The following ACTR3C variants were observed in gnomAD, a reference collection of about 807,000 sequenced individuals.
ACTR3C encodes the protein actin related protein 3C.
A neutral mutation model predicts 26.3 loss-of-function variants in ACTR3C; 18 were observed. That is an observed-to-expected ratio of 0.68 (90% CI 0.47 to 1.01). The LOEUF is 1.01. Ranked by LOEUF, ACTR3C falls within the 50% of genes least tolerant of loss-of-function variation. The probability of loss-of-function intolerance (pLI) is 0.00; values close to 1 mark genes in which losing one functional copy is unlikely to be tolerated. For synonymous variants in ACTR3C, 55 were observed against 94.5 expected (o/e 0.58, Z 2.42); for missense variants, 184 against 250.7 (o/e 0.73, Z 1.80).
chr7:150,094,025 G>C, the ACTR3C span, among the ~76,000 whole-genome samples: 2 of 150,558 alleles, frequency 1.3e-5, 1 homozygote, highest in Non-Finnish European at 2.9e-5. Context: ...GCAGAGCACA[G>C]ATAGGTAAAA....
the ACTR3C span, among the ~76,000 whole-genome samples, chr7:150,098,553 T>G: frequency 6.6e-6 from 1 of 151,826 alleles, no homozygotes; most frequent in South Asian, 2.1e-4. Flanking sequence ...CCTCTTAAAC[T>G]GCATGCTTTT....
chr7:150,245,904 A>C (rs573838713), downstream of ACTR3C: 50 of 152,358 alleles, frequency 3.3e-4, no homozygotes, highest in African/African-American at 1.2e-3. Flanking sequence ...GGTTCAAGTT[A>C]TTTCAAACTG....
At chr7:149,897,955 A>G in the ACTR3C span, among the ~76,000 whole-genome samples, 2 of 152,346 alleles carry the variant, frequency 1.3e-5, no homozygotes, top group East Asian at 3.9e-4. Flanking sequence ...AAAAAGGTGA[A>G]AAGAAAAAGA....
At chr7:149,976,748 T>C in the ACTR3C span, among the ~76,000 whole-genome samples, 2 of 152,052 alleles carry the variant, frequency 1.3e-5, no homozygotes, top group Non-Finnish European at 2.9e-5. Flanking sequence ...AGTTCAAACT[T>C]GAGAGTGAAA....
the ACTR3C span, among the ~76,000 whole-genome samples, chr7:150,233,022 G>A: frequency 8.2e-4 from 125 of 152,174 alleles, 1 homozygote; most frequent in African/African-American, 2.9e-3. Flanking sequence ...AAGAAAAAAA[G>A]ATTTTCTTTT....
the ACTR3C span, among the ~76,000 whole-genome samples, chr7:150,010,710 A>AT: frequency 1.3e-5 from 2 of 151,564 alleles, no homozygotes; most frequent in Non-Finnish European, 2.9e-5. Flanking sequence ...AAAAAAAAAA[A>AT]AATAAGCTCT....
At chr7:150,158,038 A>G in the ACTR3C span, among the ~76,000 whole-genome samples, 1 of 152,200 alleles carries the variant, frequency 6.6e-6, no homozygotes, top group Non-Finnish European at 1.5e-5. Context: ...AAGGGCCTGA[A>G]TAGACATTTC....
the ACTR3C span, among the ~76,000 whole-genome samples, chr7:150,095,745 TAAC>T: frequency 1.3e-5 from 2 of 150,298 alleles, no homozygotes; most frequent in Non-Finnish European, 2.9e-5. Flanking sequence ...GTAAAACCAT[TAAC>T]AACTATTATA....
At chr7:150,255,748 C>T (rs1216165554) in intron 6 of ACTR3C, among the ~76,000 whole-genome samples, 2 of 152,162 alleles carry the variant, frequency 1.3e-5, no homozygotes, top group Non-Finnish European at 2.9e-5. Flanking sequence ...CAAGACACAG[C>T]TCCGTCCTTT....
chr7:150,081,371 G>C, the ACTR3C span, among the ~76,000 whole-genome samples: 2 of 151,598 alleles, frequency 1.3e-5, no homozygotes, highest in Non-Finnish European at 2.9e-5. Context: ...TGACAGAGGT[G>C]GAAGGGAGTA....
At chr7:150,196,872 C>T in the ACTR3C span, among the ~76,000 whole-genome samples, 47 of 152,268 alleles carry the variant, frequency 3.1e-4, no homozygotes, top group Middle Eastern at 3.4e-3. Flanking sequence ...TCGGCTTCAG[C>T]CAGGGACTAT....
the ACTR3C span, among the ~76,000 whole-genome samples, chr7:150,196,189 TC>T: frequency 3.9e-5 from 6 of 152,250 alleles, no homozygotes; most frequent in Admixed American, 3.9e-4. Flanking sequence ...CAATATTTCT[TC>T]AAACATTTCT....
the ACTR3C span, among the ~76,000 whole-genome samples, chr7:150,170,745 A>T: frequency 1.3e-5 from 2 of 150,606 alleles, no homozygotes. Flanking sequence ...CAGGAGCTGG[A>T]GACAAACACC....
the ACTR3C span, among the ~76,000 whole-genome samples, chr7:150,032,641 T>C: frequency 6.6e-6 from 1 of 151,944 alleles, no homozygotes. Context: ...GGAAAGTAAA[T>C]CTGAGAGTTA....
At chr7:149,926,708 T>C in the ACTR3C span, among the ~76,000 whole-genome samples, 1 of 152,160 alleles carries the variant, frequency 6.6e-6, no homozygotes, top group Non-Finnish European at 1.5e-5. Flanking sequence ...TTTTGCTTTG[T>C]ACATTTTCAC....
At chr7:150,013,904 C>A in the ACTR3C span, among the ~76,000 whole-genome samples, 5 of 152,190 alleles carry the variant, frequency 3.3e-5, no homozygotes, top group Admixed American at 6.5e-5. Flanking sequence ...ACTTCCATGT[C>A]TATAGGCCTC....
At chr7:150,037,973 G>T in the ACTR3C span, among the ~76,000 whole-genome samples, 5 of 139,778 alleles carry the variant, frequency 3.6e-5, no homozygotes, top group Non-Finnish European at 6.3e-5. Flanking sequence ...GGAGGAAAGG[G>T]GGAGGTTCGC....
At chr7:150,137,640 G>A in the ACTR3C span, among the ~76,000 whole-genome samples, 1 of 152,146 alleles carries the variant, frequency 6.6e-6, no homozygotes, top group Non-Finnish European at 1.5e-5. Flanking sequence ...TTTAATAAAT[G>A]TATAGAAAAT....
chr7:150,070,798 T>C, the ACTR3C span, among the ~76,000 whole-genome samples: 1 of 146,340 alleles, frequency 6.8e-6, no homozygotes, highest in African/African-American at 2.7e-5. Context: ...TTTTTTCTTT[T>C]CTTTTTTTTT....
Sources: allele counts gnomAD v4.1 joint callset (sites outside exome capture counted in the v4.1 genomes callset), GRCh38; gene constraint gnomAD v4.1.1; transcripts MANE v1.5; gene names NCBI Gene and HGNC (gene_info 2026-07-23, HGNC 2026-07-21).